Variants in SLC2A9 observed in about 807,000 individuals in gnomAD.
The protein encoded by SLC2A9 is solute carrier family 2, facilitated glucose transporter member 9.
Under a neutral mutation model 50.6 loss-of-function variants are expected in SLC2A9, and 39 were observed. The ratio of observed to expected loss-of-function variants is 0.77; its 90% confidence interval spans 0.60 to 1.01. The LOEUF is 1.01. SLC2A9 is among the 50% of genes least tolerant of loss of function. The probability of loss-of-function intolerance (pLI) is 0.00; values close to 1 mark genes in which losing one functional copy is unlikely to be tolerated. For missense variants in SLC2A9, 686 were observed against 677.6 expected (o/e 1.01, Z -0.14); for synonymous variants, 324 against 276.9 (o/e 1.17, Z -1.69).
At chr4:10,007,593 A>G (rs1408792234) in intron 2 of SLC2A9, among the ~76,000 whole-genome samples, 1 of 152,020 alleles carries the variant, frequency 6.6e-6, no homozygotes, top group Non-Finnish European at 1.5e-5. Flanking sequence ...AAGTGAATGC[A>G]CTCCCAATAT....
chr4:9,955,586 A>G (rs979550125), intron 5 of SLC2A9, among the ~76,000 whole-genome samples: 11 of 151,534 alleles, frequency 7.3e-5, no homozygotes, highest in Non-Finnish European at 1.2e-4. Flanking sequence ...CTCCAAGTGT[A>G]CTTTACTTCC....
At chr4:9,795,847 C>A (rs1307482887), downstream of SLC2A9, among the ~76,000 whole-genome samples, 1 of 152,150 alleles carries the variant, frequency 6.6e-6, no homozygotes, top group Non-Finnish European at 1.5e-5. Context: ...CAGGGGGAAC[C>A]AAAGAGCAGC....
chr4:9,842,658 T>A (rs1043120454), intron 10 of SLC2A9, among the ~76,000 whole-genome samples: 5 of 152,192 alleles, frequency 3.3e-5, no homozygotes, highest in Admixed American at 1.3e-4. Context: ...GAAGGTGTCA[T>A]GTCTGTATCC....
At chr4:9,867,788 G>T (rs1239791789) in intron 10 of SLC2A9, among the ~76,000 whole-genome samples, 1 of 152,154 alleles carries the variant, frequency 6.6e-6, no homozygotes, top group Non-Finnish European at 1.5e-5. Flanking sequence ...AACGATGTAG[G>T]GGTTGAAATA....
At chr4:9,781,743 A>T (rs886173375) in intron 3 of SLC2A9, 9 of 356,938 alleles carry the variant, frequency 2.5e-5, no homozygotes, top group Admixed American at 1.9e-4. Context: ...CCGGCGCGCT[A>T]CAGACTCCCG....
At chr4:9,847,136 A>T (rs1177849141) in intron 10 of SLC2A9, among the ~76,000 whole-genome samples, 1 of 152,248 alleles carries the variant, frequency 6.6e-6, no homozygotes, top group Non-Finnish European at 1.5e-5. Flanking sequence ...TGGCTGTATT[A>T]GTCCGTTTTC....
rs1268867611 is a variant in SLC2A9, at chr4:9,781,715, A to AGCCGCT, written n.386-1656_386-1651dup. 3.8e-4 allele frequency: 116 copies of AGCCGCT among 305,104 alleles called. 3 individuals carry two copies. The highest frequency in any genetic ancestry group is 5.9e-4 in the Non-Finnish European group (98 of 167,164). The allele number at this position is 305,104 out of a possible 1,614,324, so 18.9% of individuals were successfully genotyped here. A position where few individuals can be genotyped will look rare whatever the true frequency, so the allele number is the denominator to read the frequency against. On this transcript the variant is annotated intron_variant and non_coding_transcript_variant, in intron 3 of 3. Transcript: ENST00000503803. ...TCTTCTCTCGCTCCGAACCAGACAC[A>AGCCGCT]GCCGCTGCCGCTGCCGTCCGGCGCG...
chr4:9,822,201 A>G (rs953048500), downstream of SLC2A9, among the ~76,000 whole-genome samples: 2 of 152,070 alleles, frequency 1.3e-5, no homozygotes, highest in Non-Finnish European at 2.9e-5. Flanking sequence ...GAGGTTTATC[A>G]ATTGTATTGA....
chr4:9,800,593 T>G lies in SLC2A9; in HGVS notation n.421-1352A>C, dbSNP rs139034853. Reference sequence around the variant, plus strand: ...CTTTTGTGTTGTTTAATCCATACACTTTGTGGTACACTCAGCCTTCCTGTG... The same window carrying G: ...CTTTTGTGTTGTTTAATCCATACACGTTGTGGTACACTCAGCCTTCCTGTG... On this transcript the variant is annotated intron_variant and non_coding_transcript_variant, in intron 3 of 3. Transcript: ENST00000503280. Among the ~76,000 whole-genome samples the G allele has an allele frequency of 3.3e-3, 503 of 152,316 alleles. 4 individuals are homozygous for G. The highest frequency in any genetic ancestry group is 0.011 in the African/African-American group (476 of 41,558).
intron 7 of SLC2A9, among the ~76,000 whole-genome samples, chr4:9,919,272 C>T (rs1364877272): frequency 6.6e-6 from 1 of 152,194 alleles, no homozygotes; most frequent in Non-Finnish European, 1.5e-5. Context: ...GCCACTGACC[C>T]AGGCGCCTGC....
intron 6 of SLC2A9, among the ~76,000 whole-genome samples, chr4:9,932,823 A>G (rs1746381628): frequency 1.3e-5 from 2 of 152,192 alleles, no homozygotes; most frequent in Admixed American, 1.3e-4. Flanking sequence ...CTCCCTATAA[A>G]TGATATCTCC....
downstream of SLC2A9, among the ~76,000 whole-genome samples, chr4:9,774,914 T>A (rs574931468): frequency 6.6e-6 from 1 of 152,024 alleles, no homozygotes; most frequent in African/African-American, 2.4e-5. Flanking sequence ...GCCCACCACA[T>A]ACCAGCAGAG....
chr4:9,787,365 T>C (rs1169313709), intron 3 of SLC2A9, among the ~76,000 whole-genome samples: 4 of 152,360 alleles, frequency 2.6e-5, no homozygotes, highest in Admixed American at 1.3e-4. Context: ...TTTTAAACAC[T>C]TGTTCTCACA....
At chr4:9,778,276 C>A (rs145895721), downstream of SLC2A9, among the ~76,000 whole-genome samples, 4 of 152,028 alleles carry the variant, frequency 2.6e-5, no homozygotes, top group Admixed American at 2.0e-4. Flanking sequence ...CATCCCACCA[C>A]GCCTGGCTAA....
chr4:9,992,804 G>C (rs1757943819), intron 3 of SLC2A9, among the ~76,000 whole-genome samples: 1 of 152,126 alleles, frequency 6.6e-6, no homozygotes, highest in Admixed American at 6.5e-5. Context: ...AGTTTGCTTT[G>C]GGTTCCTGTC....
chr4:10,012,854 G>A (rs1761995029), intron 2 of SLC2A9, among the ~76,000 whole-genome samples: 1 of 152,180 alleles, frequency 6.6e-6, no homozygotes, highest in Non-Finnish European at 1.5e-5. Flanking sequence ...TCTGTCATGT[G>A]TCATGTGTCA....
intron 8 of SLC2A9, among the ~76,000 whole-genome samples, chr4:9,895,051 C>T (rs944126089): frequency 6.6e-6 from 1 of 152,164 alleles, no homozygotes; most frequent in East Asian, 1.9e-4. Context: ...TTCAAGTGCA[C>T]CACCCACAAT....
intron 5 of SLC2A9, among the ~76,000 whole-genome samples, chr4:9,977,261 A>G (rs753518403): frequency 2.6e-5 from 4 of 152,216 alleles, no homozygotes; most frequent in African/African-American, 9.6e-5. Flanking sequence ...GGCTAGACCC[A>G]GCCCACAGGT....
downstream of SLC2A9, among the ~76,000 whole-genome samples, chr4:9,777,619 T>C (rs1437691944): frequency 6.6e-6 from 1 of 152,208 alleles, no homozygotes. Flanking sequence ...TTCATGGTGT[T>C]GGGCACAGAA....
Sources: gnomAD v4.1 joint callset for allele counts (sites outside exome capture counted in the v4.1 genomes callset) on GRCh38, gnomAD v4.1.1 for gene constraint, MANE v1.5 for transcripts, NCBI Gene and HGNC (gene_info 2026-07-23, HGNC 2026-07-21) for gene names.